Variants in GALNT17 observed in about 807,000 individuals in gnomAD.
The protein encoded by GALNT17 is UDP-GalNAc:polypeptide N-acetylgalactosaminyltransferase-like 3.
GALNT17 carries 29 observed loss-of-function variants against 63.7 expected under a neutral mutation model. The observed-to-expected ratio is 0.46, with a 90% CI of 0.34 to 0.62. The LOEUF is 0.62. GALNT17 is among the 20% of genes least tolerant of loss of function. The pLI, the probability that GALNT17 is intolerant of heterozygous loss-of-function variation, is 0.01. For synonymous variants in GALNT17, 305 were observed against 318.3 expected (o/e 0.96, Z 0.45); for missense variants, 603 against 799.6 (o/e 0.75, Z 2.97).
At chr7:71,684,398 G>A (rs185586603) in intron 9 of GALNT17, among the ~76,000 whole-genome samples, 53 of 152,286 alleles carry the variant, frequency 3.5e-4, no homozygotes, top group Admixed American at 1.7e-3. Context: ...AGCCCTGAAC[G>A]CCCCCGATGG....
At chr7:71,595,356 G>A (rs1046900645) in intron 6 of GALNT17, among the ~76,000 whole-genome samples, 4 of 151,892 alleles carry the variant, frequency 2.6e-5, no homozygotes, top group African/African-American at 7.3e-5. Flanking sequence ...CTTGAAGCCA[G>A]GAATTTGAGG....
intron 1 of GALNT17, among the ~76,000 whole-genome samples, chr7:71,157,834 G>A (rs912088286): frequency 3.3e-5 from 5 of 151,492 alleles, no homozygotes; most frequent in Non-Finnish European, 7.4e-5. Flanking sequence ...GTCTTCATGA[G>A]GTTCACGTTT....
At chr7:71,685,043 G>C (rs10259120) in intron 9 of GALNT17, among the ~76,000 whole-genome samples, 1 of 151,808 alleles carries the variant, frequency 6.6e-6, no homozygotes, top group Non-Finnish European at 1.5e-5. Context: ...TCAAACGAAT[G>C]TCCCATATCA....
At chr7:71,192,811 TGTC>T (rs1303800333) in intron 1 of GALNT17, among the ~76,000 whole-genome samples, 1 of 152,222 alleles carries the variant, frequency 6.6e-6, no homozygotes, top group Non-Finnish European at 1.5e-5. Context: ...CATTTGGTGT[TGTC>T]AGTCTTTTTC....
chr7:71,218,808 TC>T (rs763455498), intron 1 of GALNT17, among the ~76,000 whole-genome samples: 36 of 152,024 alleles, frequency 2.4e-4, no homozygotes, highest in Non-Finnish European at 4.7e-4. Flanking sequence ...TAATGTCTGA[TC>T]ATCTGTCACC....
At chr7:71,575,041 G>T (rs934911232) in intron 6 of GALNT17, among the ~76,000 whole-genome samples, 3 of 152,092 alleles carry the variant, frequency 2.0e-5, no homozygotes, top group African/African-American at 7.2e-5. Context: ...TCATGTACGG[G>T]TGTCTCGACC....
chr7:71,258,954 G>C (rs1312874373), intron 1 of GALNT17, among the ~76,000 whole-genome samples: 1 of 152,174 alleles, frequency 6.6e-6, no homozygotes, highest in African/African-American at 2.4e-5. Context: ...AAGCCTACAG[G>C]GTGGGGCATA....
chr7:71,258,107 C>T (rs1562952684), intron 1 of GALNT17, among the ~76,000 whole-genome samples: 1 of 152,222 alleles, frequency 6.6e-6, no homozygotes, highest in Non-Finnish European at 1.5e-5. Context: ...GCTGCCCTTG[C>T]ACTCACATGA....
chr7:71,580,119 A>C (rs972253788), intron 6 of GALNT17, among the ~76,000 whole-genome samples: 5 of 152,134 alleles, frequency 3.3e-5, no homozygotes, highest in African/African-American at 1.2e-4. Context: ...TATAGATTAG[A>C]TTGATAATAG....
At chr7:71,430,846 C>T (rs932692608) in intron 5 of GALNT17, among the ~76,000 whole-genome samples, 5 of 152,126 alleles carry the variant, frequency 3.3e-5, no homozygotes, top group Non-Finnish European at 5.9e-5. Flanking sequence ...AGAAATCAGA[C>T]TTTAAAATAG....
At chr7:71,685,946 C>CTTTT (rs1347994922) in intron 9 of GALNT17, among the ~76,000 whole-genome samples, 4 of 86,826 alleles carry the variant, frequency 4.6e-5, no homozygotes, top group African/African-American at 1.5e-4. Context: ...AAGGCAATTA[C>CTTTT]TATTTTTTTT....
chr7:71,574,513 A>G (rs1171392371), intron 6 of GALNT17, among the ~76,000 whole-genome samples: 1 of 152,150 alleles, frequency 6.6e-6, no homozygotes, highest in Non-Finnish European at 1.5e-5. Flanking sequence ...CATAGACCAC[A>G]TCATCCTGCA....
At chr7:71,177,013 A>G (rs993579116) in intron 1 of GALNT17, among the ~76,000 whole-genome samples, 3 of 152,178 alleles carry the variant, frequency 2.0e-5, no homozygotes, top group Non-Finnish European at 4.4e-5. Context: ...CTAAAAGGAC[A>G]GAGCTTCGAG....
At chr7:71,518,924 C>T (rs747885550) in intron 5 of GALNT17, among the ~76,000 whole-genome samples, 9 of 152,196 alleles carry the variant, frequency 5.9e-5, no homozygotes, top group Non-Finnish European at 1.2e-4. Flanking sequence ...ACCAGACATT[C>T]TGCCAGCTGT....
intron 9 of GALNT17, among the ~76,000 whole-genome samples, chr7:71,708,130 G>T (rs1302348497): frequency 1.3e-5 from 2 of 152,144 alleles, no homozygotes; most frequent in East Asian, 3.8e-4. Flanking sequence ...CCCTACCCAT[G>T]AATTTTTTGT....
At chr7:71,402,414 T>C (rs989994806) in intron 3 of GALNT17, among the ~76,000 whole-genome samples, 19 of 152,236 alleles carry the variant, frequency 1.2e-4, no homozygotes, top group African/African-American at 4.6e-4. Context: ...GCTGAATAGG[T>C]TAATTTCAAT....
intron 6 of GALNT17, among the ~76,000 whole-genome samples, chr7:71,626,910 G>A (rs1395328792): frequency 6.6e-6 from 1 of 152,172 alleles, no homozygotes; most frequent in African/African-American, 2.4e-5. Context: ...CTGGGTGATG[G>A]GGTCTCAATG....
intron 1 of GALNT17, among the ~76,000 whole-genome samples, chr7:71,274,281 A>G (rs539338057): frequency 1.3e-5 from 2 of 152,292 alleles, no homozygotes; most frequent in African/African-American, 4.8e-5. Context: ...TATTTGATGT[A>G]TTAAATGGAT....
intron 1 of GALNT17, among the ~76,000 whole-genome samples, chr7:71,154,986 G>A (rs567498938): frequency 6.6e-6 from 1 of 151,952 alleles, no homozygotes; most frequent in East Asian, 1.9e-4. Flanking sequence ...GGATTTATAT[G>A]CCATGGGTAG....
Sources: gnomAD v4.1 joint callset for allele counts (sites outside exome capture counted in the v4.1 genomes callset) on GRCh38, gnomAD v4.1.1 for gene constraint, MANE v1.5 for transcripts, NCBI Gene and HGNC (gene_info 2026-07-23, HGNC 2026-07-21) for gene names.